Variants in CSMD1 observed in about 807,000 individuals in gnomAD.
CSMD1 encodes CUB and sushi domain-containing protein 1.
Under a neutral mutation model 417.5 loss-of-function variants are expected in CSMD1, and 213 were observed. That is an observed-to-expected ratio of 0.51 (90% CI 0.46 to 0.57). CSMD1 has a LOEUF of 0.57. Among genes scored for constraint, CSMD1 ranks in the 20% least tolerant of loss-of-function variants. The pLI, the probability that CSMD1 is intolerant of heterozygous loss-of-function variation, is 0.00. For missense variants in CSMD1, 6,923 were observed against 4,529.7 expected, an observed-to-expected ratio of 1.53 and a Z score of -15.17; for synonymous variants, 2,862 against 1,736.8, an observed-to-expected ratio of 1.65 and a Z score of -16.11.
chr8:4,735,302 A>G (rs1372602571), intron 1 of CSMD1, among the ~76,000 whole-genome samples: 2 of 152,104 alleles, frequency 1.3e-5, no homozygotes, highest in Non-Finnish European at 2.9e-5. Flanking sequence ...TTTAAACCAC[A>G]TCTCCAATGC....
intron 2 of CSMD1, among the ~76,000 whole-genome samples, chr8:4,594,253 G>A (rs1041147424): frequency 4.4e-5 from 6 of 137,830 alleles, no homozygotes; most frequent in Admixed American, 2.4e-4. Context: ...ACCCAGGCTG[G>A]AGTGCAGTGG....
intron 26 of CSMD1, among the ~76,000 whole-genome samples, chr8:3,254,038 C>T (rs1038550220): frequency 1.3e-5 from 2 of 152,124 alleles, no homozygotes; most frequent in African/African-American, 2.4e-5. Context: ...ATGTTTAGTG[C>T]TTCCTTCAGG....
chr8:3,926,266 C>T (rs1369724122), intron 5 of CSMD1, among the ~76,000 whole-genome samples: 1 of 152,162 alleles, frequency 6.6e-6, no homozygotes, highest in African/African-American at 2.4e-5. Flanking sequence ...CAATCCATGT[C>T]CTCTCTAACC....
chr8:3,759,749 A>T (rs1797884753), intron 5 of CSMD1, among the ~76,000 whole-genome samples: 1 of 151,274 alleles, frequency 6.6e-6, no homozygotes, highest in Non-Finnish European at 1.5e-5. Context: ...CCAAAAAAAA[A>T]AAAAAAAAAT....
At chr8:2,966,033 ACTCT>A (rs1461167808) in intron 58 of CSMD1, 79 bp from the exon 59 acceptor site, 2 of 1,280,178 alleles carry the variant, frequency 1.6e-6, no homozygotes, top group African/African-American at 1.5e-5. Flanking sequence ...TATTCAAGAT[ACTCT>A]CTCTGAGTTG....
At chr8:4,804,404 G>A (rs1274682356) in intron 1 of CSMD1, among the ~76,000 whole-genome samples, 2 of 151,778 alleles carry the variant, frequency 1.3e-5, no homozygotes, top group Non-Finnish European at 2.9e-5. Flanking sequence ...AAATTACAAA[G>A]CTTTCTATGC....
At chr8:2,994,011 G>A (rs1411385342) in intron 54 of CSMD1, among the ~76,000 whole-genome samples, 3 of 150,802 alleles carry the variant, frequency 2.0e-5, no homozygotes, top group Non-Finnish European at 1.5e-5. Flanking sequence ...AAAATTAGCT[G>A]GACATATTGG....
chr8:3,392,201 A>G (rs1392951748), intron 17 of CSMD1, among the ~76,000 whole-genome samples: 1 of 152,176 alleles, frequency 6.6e-6, no homozygotes, highest in African/African-American at 2.4e-5. Flanking sequence ...GCACATGTAT[A>G]CATATGTAAC....
intron 3 of CSMD1, among the ~76,000 whole-genome samples, chr8:4,124,926 A>T (rs1193125257): frequency 6.6e-6 from 1 of 152,220 alleles, no homozygotes; most frequent in Non-Finnish European, 1.5e-5. Flanking sequence ...CACCCAAGCC[A>T]GAAACAGCAA....
chr8:4,577,941 T>C (rs1799212683), intron 2 of CSMD1, among the ~76,000 whole-genome samples: 1 of 152,218 alleles, frequency 6.6e-6, no homozygotes, highest in Admixed American at 6.5e-5. Context: ...TGATATTGGA[T>C]GGCCAGAGAA....
At chr8:4,344,148 A>T (rs1800643415) in intron 3 of CSMD1, among the ~76,000 whole-genome samples, 2 of 152,090 alleles carry the variant, frequency 1.3e-5, no homozygotes, top group Non-Finnish European at 2.9e-5. Flanking sequence ...GCAACTGAGA[A>T]ATGCCTTGTT....
In CSMD1 at chr8:3,396,330, G is replaced by A. The variant is rs962448239; in HGVS notation, c.2457C>T (p.Ala819=). Residue 819 remains alanine (A), a synonymous_variant, in exon 17 of 70, where the codon GCC becomes GCT. Coordinates refer to ENST00000635120, the MANE Select transcript of CSMD1 (RefSeq NM_033225.6). The part of the protein sequence containing the change: ...YDTLEVRDGP[A]SSSPLIGEYH... Reference sequence around the variant, plus strand: ...ACTCGCCGATCAGTGGGGACGAACTGGCTGGCCCATCTCTGACCTCCAAGG... The same window carrying A: ...ACTCGCCGATCAGTGGGGACGAACTAGCTGGCCCATCTCTGACCTCCAAGG... 5 of 1,607,942 alleles carry A rather than the reference G, an allele frequency of 3.1e-6. No individual in the cohort carries two copies. Among genetic ancestry groups the A allele is most frequent in the Non-Finnish European group, 4.2e-6 (5 of 1,177,276 alleles).
chr8:4,854,504 G>A (rs1173892642), intron 1 of CSMD1, among the ~76,000 whole-genome samples: 2 of 152,150 alleles, frequency 1.3e-5, no homozygotes, highest in Non-Finnish European at 2.9e-5. Context: ...TGAGGTACCG[G>A]GTTCATCTCA....
At chr8:3,547,302 G>C (rs1406596891) in intron 10 of CSMD1, among the ~76,000 whole-genome samples, 1 of 152,208 alleles carries the variant, frequency 6.6e-6, no homozygotes, top group Admixed American at 6.5e-5. Flanking sequence ...AAAATGAAAT[G>C]AATGTGTGCT....
intron 1 of CSMD1, among the ~76,000 whole-genome samples, chr8:4,933,521 C>G (rs188818350): frequency 2.0e-5 from 3 of 152,300 alleles, no homozygotes; most frequent in African/African-American, 7.2e-5. Context: ...TCTGTGACTT[C>G]AAGACAGAGA....
chr8:3,463,635 G>A (rs1563063517), intron 12 of CSMD1, among the ~76,000 whole-genome samples: 1 of 152,094 alleles, frequency 6.6e-6, no homozygotes, highest in East Asian at 1.9e-4. Flanking sequence ...CTCGGTTCAG[G>A]GACAGCACCC....
intron 27 of CSMD1, among the ~76,000 whole-genome samples, chr8:3,225,448 A>C (rs1256317218): frequency 6.6e-6 from 1 of 151,734 alleles, no homozygotes; most frequent in Non-Finnish European, 1.5e-5. Flanking sequence ...AACAGCTCTC[A>C]CAGGGCAGTG....
intron 1 of CSMD1, among the ~76,000 whole-genome samples, chr8:4,810,674 T>G (rs931618045): frequency 5.9e-5 from 9 of 152,210 alleles, no homozygotes; most frequent in Non-Finnish European, 1.2e-4. Flanking sequence ...CATAGAAACT[T>G]TATAATGTTC....
chr8:4,988,502 G>A (rs1811295922), intron 1 of CSMD1, among the ~76,000 whole-genome samples: 1 of 152,070 alleles, frequency 6.6e-6, no homozygotes, highest in Non-Finnish European at 1.5e-5. Flanking sequence ...TTTTAGATGG[G>A]GATAAATGTT....
Sources: allele counts gnomAD v4.1 joint callset (sites outside exome capture counted in the v4.1 genomes callset), GRCh38; gene constraint gnomAD v4.1.1; transcripts MANE v1.5; gene names NCBI Gene and HGNC (gene_info 2026-07-23, HGNC 2026-07-21).